Variants in GRM8 observed in about 807,000 individuals in gnomAD.
The protein encoded by GRM8 is metabotropic glutamate receptor 8.
GRM8 carries 47 observed loss-of-function variants against 87.2 expected under a neutral mutation model. That is an observed-to-expected ratio of 0.54 (90% CI 0.43 to 0.69). The LOEUF is 0.69. Among genes scored for constraint, GRM8 ranks in the 30% least tolerant of loss-of-function variants. GRM8 has a pLI of 0.00. For synonymous variants in GRM8, 396 were observed against 404.5 expected (o/e 0.98, Z 0.25); for missense variants, 1,019 against 1,139.2 (o/e 0.89, Z 1.52).
intron 3 of GRM8, among the ~76,000 whole-genome samples, chr7:127,099,357 G>A (rs900881248): frequency 6.6e-6 from 1 of 152,084 alleles, no homozygotes; most frequent in African/African-American, 2.4e-5. Context: ...AATTAGGCCA[G>A]AAAAAAATCT....
intron 7 of GRM8, among the ~76,000 whole-genome samples, chr7:126,751,717 A>G (rs1283303538): frequency 6.6e-6 from 1 of 152,184 alleles, no homozygotes; most frequent in East Asian, 1.9e-4. Flanking sequence ...TAGAACAGAC[A>G]ATAGGGAGGG....
chr7:126,775,049 G>T (rs568227554), intron 6 of GRM8, among the ~76,000 whole-genome samples: 117 of 152,206 alleles, frequency 7.7e-4, no homozygotes, highest in African/African-American at 2.7e-3. Context: ...CCAATTGGTT[G>T]CCTTTTTCTT....
chr7:127,135,617 C>CA (rs1168682673), intron 2 of GRM8, among the ~76,000 whole-genome samples: 8,911 of 35,072 alleles, frequency 0.25, 1,487 homozygotes, highest in Admixed American at 0.33. Context: ...GACTCCGTCT[C>CA]AAAAAAAAAA....
intron 3 of GRM8, chr7:127,090,953 T>A (rs1824003040): frequency 6.6e-6 from 1 of 152,232 alleles, no homozygotes; most frequent in Non-Finnish European, 1.5e-5. Context: ...ACTCTCAGAT[T>A]ATCTTCTAGA....
intron 7 of GRM8, among the ~76,000 whole-genome samples, chr7:126,645,454 C>G (rs979503264): frequency 1.3e-5 from 2 of 152,166 alleles, no homozygotes; most frequent in African/African-American, 4.8e-5. Context: ...TATTCCCAAC[C>G]AATCAACAGC....
chr7:126,824,059 C>T (rs577133270), intron 6 of GRM8, among the ~76,000 whole-genome samples: 2 of 152,092 alleles, frequency 1.3e-5, no homozygotes, highest in East Asian at 3.9e-4. Context: ...TTCCATGTTA[C>T]CAGTCAATAA....
chr7:127,157,501 T>C (rs1434855760), intron 2 of GRM8, among the ~76,000 whole-genome samples: 3 of 152,078 alleles, frequency 2.0e-5, no homozygotes, highest in South Asian at 4.1e-4. Context: ...TGTTGAAAAA[T>C]AGTTACCAAA....
intron 3 of GRM8, among the ~76,000 whole-genome samples, chr7:127,083,312 C>A (rs1290356135): frequency 6.6e-6 from 1 of 152,152 alleles, no homozygotes; most frequent in African/African-American, 2.4e-5. Context: ...CTGTATACCC[C>A]ATTGCTTGCA....
At chr7:126,716,841 G>A (rs751725395) in intron 7 of GRM8, among the ~76,000 whole-genome samples, 1 of 152,172 alleles carries the variant, frequency 6.6e-6, no homozygotes, top group Non-Finnish European at 1.5e-5. Context: ...GGGAGAAGAG[G>A]AAGAATCATG....
At chr7:126,461,181 T>C (rs1803856932) in intron 9 of GRM8, among the ~76,000 whole-genome samples, 1 of 151,530 alleles carries the variant, frequency 6.6e-6, no homozygotes, top group Non-Finnish European at 1.5e-5. Context: ...CCCTGTGTTC[T>C]GTTGAGAATA....
At chr7:126,763,710 C>A (rs1029850059) in intron 7 of GRM8, among the ~76,000 whole-genome samples, 1 of 143,512 alleles carries the variant, frequency 7.0e-6, no homozygotes, top group African/African-American at 2.5e-5. Context: ...GAATATTTTT[C>A]CTTAAAATCA....
At position 126,733,492 on chromosome 7, in the gene GRM8, C is replaced by CT. The variant is rs1263960776; in HGVS notation, c.1357+36372dup. On this transcript the variant is annotated intron_variant, in intron 7 of 10. Coordinates refer to ENST00000339582, the MANE Select transcript of GRM8 (RefSeq NM_000845.3). ...AGGAAAAAAAAATAAAGCCCTGTAACTAAGTCTCATTTATAAATATTAATG... is the reference window on the plus strand; with the variant it reads ...AGGAAAAAAAAATAAAGCCCTGTAACTTAAGTCTCATTTATAAATATTAATG... Among the ~76,000 whole-genome samples the CT allele has an allele frequency of 2.0e-5, 3 of 150,326 alleles. No homozygotes were observed. The East Asian group carries it at 5.9e-4, about 29-fold the overall frequency.
At chr7:126,775,245 T>C (rs926459085) in intron 6 of GRM8, among the ~76,000 whole-genome samples, 1 of 152,176 alleles carries the variant, frequency 6.6e-6, no homozygotes, top group Non-Finnish European at 1.5e-5. Flanking sequence ...GAACCTGCTA[T>C]GAATAAATAC....
chr7:126,807,792 T>A (rs1792925086), intron 6 of GRM8, among the ~76,000 whole-genome samples: 1 of 152,146 alleles, frequency 6.6e-6, no homozygotes, highest in Non-Finnish European at 1.5e-5. Context: ...TTAAAAGCTA[T>A]AATTAAGGAT....
intron 2 of GRM8, among the ~76,000 whole-genome samples, chr7:127,149,268 A>G (rs1163206132): frequency 6.6e-6 from 1 of 152,040 alleles, no homozygotes; most frequent in East Asian, 1.9e-4. Flanking sequence ...CTCAATAGAC[A>G]TTCTCCAAAG....
At chr7:126,979,379 A>ATCATGTGTATATATAT (rs1476385365) in intron 3 of GRM8, among the ~76,000 whole-genome samples, 2 of 152,230 alleles carry the variant, frequency 1.3e-5, no homozygotes, top group East Asian at 3.8e-4. Context: ...TGATAAATAT[A>ATCATGTGTATATATAT]AATGTTCATC....
chr7:127,098,843 A>G (rs181727082), intron 3 of GRM8, among the ~76,000 whole-genome samples: 2 of 152,302 alleles, frequency 1.3e-5, no homozygotes, highest in Admixed American at 6.5e-5. Context: ...AATGTATGCA[A>G]TGATGACTTG....
chr7:126,586,913 A>C (rs1016014413), intron 8 of GRM8, among the ~76,000 whole-genome samples: 1 of 152,144 alleles, frequency 6.6e-6, no homozygotes, highest in Non-Finnish European at 1.5e-5. Context: ...ATAGGAGAAA[A>C]TTTTTGCAAT....
intron 9 of GRM8, among the ~76,000 whole-genome samples, chr7:126,527,358 AAAAAG>A (rs899120970): frequency 2.6e-5 from 4 of 152,324 alleles, no homozygotes; most frequent in African/African-American, 9.6e-5. Context: ...ACTTCATCTC[AAAAAG>A]AAAAGAAAAG....
Sources: gnomAD v4.1 joint callset for allele counts (sites outside exome capture counted in the v4.1 genomes callset) on GRCh38, gnomAD v4.1.1 for gene constraint, MANE v1.5 for transcripts, NCBI Gene and HGNC (gene_info 2026-07-23, HGNC 2026-07-21) for gene names.